The following MUCL1 variants were observed in gnomAD, a reference collection of about 807,000 sequenced individuals.
The protein encoded by MUCL1 is mucin like 1, also known as mucin-like protein 1.
Under a neutral mutation model 9.2 loss-of-function variants are expected in MUCL1, and 11 were observed. The observed-to-expected ratio is 1.19, with a 90% CI of 0.75 to 1.97. The LOEUF (loss-of-function observed/expected upper bound fraction) is 1.97, where lower values mean the gene tolerates loss of function less well. Among genes scored for constraint, MUCL1 ranks in the 30% most tolerant of loss-of-function variants. MUCL1 has a pLI of 0.00. For synonymous variants in MUCL1, 48 were observed against 40.5 expected (o/e 1.19, Z -0.71); for missense variants, 144 against 110.9 (o/e 1.30, Z -1.34).
chr12:54,834,556 C>T (rs899766118), upstream of MUCL1, among the ~76,000 whole-genome samples: 1 of 151,970 alleles, frequency 6.6e-6, no homozygotes, highest in African/African-American at 2.4e-5. Flanking sequence ...GTTGTTACCA[C>T]AATCCAACTA....
At chr12:54,839,354 C>G (rs920637873), upstream of MUCL1, 1 of 700,888 alleles carries the variant, frequency 1.4e-6, no homozygotes, top group Admixed American at 2.0e-5. Flanking sequence ...TATTAATTTT[C>G]TCCCTCAGTA....
At chr12:54,856,958 C>T in intron 3 of MUCL1, 66 bp downstream of exon 3, 1 of 1,602,002 alleles carries the variant, frequency 6.2e-7, no homozygotes, top group South Asian at 1.1e-5. Flanking sequence ...GTTCTCTATT[C>T]TCACAGAGAC....
At chr12:54,851,648 G>C (rs2135944919), upstream of MUCL1, among the ~76,000 whole-genome samples, 1 of 152,312 alleles carries the variant, frequency 6.6e-6, no homozygotes, top group African/African-American at 2.4e-5. Flanking sequence ...AGTGTTGGAA[G>C]TTCTGGCCAG....
At chr12:54,844,326 G>A (rs1959231099) in intron 1 of MUCL1, among the ~76,000 whole-genome samples, 2 of 152,076 alleles carry the variant, frequency 1.3e-5, no homozygotes, top group Non-Finnish European at 1.5e-5. Context: ...GTTTCTGTTA[G>A]ATAGATTTTT....
At chr12:54,836,260 G>T (rs1489136915), upstream of MUCL1, among the ~76,000 whole-genome samples, 2 of 152,028 alleles carry the variant, frequency 1.3e-5, no homozygotes, top group Non-Finnish European at 2.9e-5. Flanking sequence ...TACTAATTCA[G>T]TCTAATTGCT....
At chr12:54,835,059 T>G (rs1390933076), upstream of MUCL1, among the ~76,000 whole-genome samples, 2 of 152,162 alleles carry the variant, frequency 1.3e-5, no homozygotes, top group African/African-American at 4.8e-5. Flanking sequence ...TCCATCCAAG[T>G]TGCTAGTTGC....
At chr12:54,838,931 A>G (rs1268764035), upstream of MUCL1, among the ~76,000 whole-genome samples, 1 of 151,870 alleles carries the variant, frequency 6.6e-6, no homozygotes, top group Non-Finnish European at 1.5e-5. Context: ...CATCTCAAAG[A>G]TTTCATATTG....
At chr12:54,853,606 C>G (rs915148535), upstream of MUCL1, among the ~76,000 whole-genome samples, 2 of 152,268 alleles carry the variant, frequency 1.3e-5, no homozygotes, top group East Asian at 3.9e-4. Flanking sequence ...TTTTGGTCAC[C>G]TTATATAAAA....
At chr12:54,854,745 C>G in intron 1 of MUCL1, 105 bp downstream of exon 1, 1 of 968,828 alleles carries the variant, frequency 1.0e-6, no homozygotes, top group Admixed American at 2.2e-5. Context: ...TTTTTTACCT[C>G]TCCTAACTTG....
chr12:54,856,635 C>A, intron 2 of MUCL1, 135 bp from the exon 3 acceptor site: 1 of 1,214,164 alleles, frequency 8.2e-7, no homozygotes, highest in Non-Finnish European at 1.1e-6. Context: ...GGCAGGTAGG[C>A]TAAAGGTAAG....
At chr12:54,848,127 A>G (rs1048872461) in intron 1 of MUCL1, among the ~76,000 whole-genome samples, 48 of 147,880 alleles carry the variant, frequency 3.2e-4, no homozygotes, top group African/African-American at 1.2e-3. Context: ...GCCCTTGATG[A>G]TCCCAGGCCA....
At chr12:54,834,886 C>T (rs890765045), upstream of MUCL1, among the ~76,000 whole-genome samples, 1 of 151,962 alleles carries the variant, frequency 6.6e-6, no homozygotes, top group Non-Finnish European at 1.5e-5. Context: ...GGTTTTTATT[C>T]CTCACCTTCC....
chr12:54,846,142 T>C (rs1052092102), intron 1 of MUCL1, among the ~76,000 whole-genome samples: 4 of 152,198 alleles, frequency 2.6e-5, no homozygotes, highest in Admixed American at 6.5e-5. Flanking sequence ...ATGGTCACAC[T>C]GGCCCTCTAT....
intron 1 of MUCL1, among the ~76,000 whole-genome samples, chr12:54,839,657 T>C (rs1959200840): frequency 2.6e-5 from 4 of 152,328 alleles, no homozygotes; most frequent in African/African-American, 9.6e-5. Context: ...GTACCTCTTT[T>C]CTTCTTCAGG....
In MUCL1 at chr12:54,854,658, C is replaced by T. The variant is rs756238031; in HGVS notation, c.58+18C>T. 8.1e-6 allele frequency: 13 copies of T among 1,606,320 alleles called. No homozygotes were observed. The highest frequency in any genetic ancestry group is 6.7e-5 in the African/African-American group (5 of 74,696). Reference sequence around the variant, plus strand: ...CTCTGCCCGTAAGTAAAGATTCTTACCTGAACATAAGTTTTGTGGGAATAT... The same window carrying T: ...CTCTGCCCGTAAGTAAAGATTCTTATCTGAACATAAGTTTTGTGGGAATAT... On this transcript the variant is annotated intron_variant, in intron 1 of 3. Transcript: ENST00000308796.
At chr12:54,853,937 C>T (rs553790487), upstream of MUCL1, among the ~76,000 whole-genome samples, 190 of 152,268 alleles carry the variant, frequency 1.2e-3, no homozygotes, top group African/African-American at 4.2e-3. Context: ...AATTTTTATA[C>T]AATGGTTGCT....
At chr12:54,834,901 A>T (rs1015697242), upstream of MUCL1, among the ~76,000 whole-genome samples, 4 of 150,930 alleles carry the variant, frequency 2.7e-5, no homozygotes, top group African/African-American at 9.8e-5. Context: ...CCTTCCTTCC[A>T]CTCTCCTCCA....
At chr12:54,836,872 C>T (rs1336798364), upstream of MUCL1, among the ~76,000 whole-genome samples, 2 of 152,110 alleles carry the variant, frequency 1.3e-5, no homozygotes, top group African/African-American at 2.4e-5. Flanking sequence ...TATTTAATTT[C>T]CATGTATTTG....
rs183901875 is a variant in MUCL1 at position 54,849,385 on chromosome 12, G to T, written c.44-5731G>T. On this transcript the variant is annotated intron_variant, in intron 1 of 3. Coordinates refer to the MUCL1 transcript ENST00000546809. Reference sequence around the variant, plus strand: ...AATATATAATTACCAAGTAAAAATGGCAGTTATCTCATTGTTTTGGCCCAT... The same window carrying T: ...AATATATAATTACCAAGTAAAAATGTCAGTTATCTCATTGTTTTGGCCCAT... Among the ~76,000 whole-genome samples the T allele has an allele frequency of 7.9e-5, 12 of 151,982 alleles. No individual in the cohort carries two copies. In the East Asian group the frequency reaches 2.3e-3, roughly 29 times the overall value.
Sources: gnomAD v4.1 joint callset for allele counts (sites outside exome capture counted in the v4.1 genomes callset) on GRCh38, gnomAD v4.1.1 for gene constraint, MANE v1.5 for transcripts, NCBI Gene and HGNC (gene_info 2026-07-23, HGNC 2026-07-21) for gene names.